Variants in DPP10 observed in about 807,000 individuals in gnomAD.
DPP10 encodes dipeptidyl peptidase like 10.
DPP10 carries 33 observed loss-of-function variants against 120.9 expected under a neutral mutation model. The observed-to-expected ratio is 0.27, with a 90% CI of 0.21 to 0.37. The LOEUF is 0.37. Ranked by LOEUF, DPP10 falls within the 10% of genes least tolerant of loss-of-function variation. The pLI is 1.00. For synonymous variants in DPP10, 337 were observed against 326.1 expected (o/e 1.03, Z -0.36); for missense variants, 816 against 942.8 (o/e 0.87, Z 1.76).
chr2:115,707,419 T>C (rs1192320738), intron 7 of DPP10, among the ~76,000 whole-genome samples: 2 of 97,988 alleles, frequency 2.0e-5, no homozygotes, highest in African/African-American at 7.7e-5. Context: ...ACAAACAAAT[T>C]TTACACACAC....
At chr2:115,327,010 C>G (rs1009561146) in intron 2 of DPP10, among the ~76,000 whole-genome samples, 2 of 152,042 alleles carry the variant, frequency 1.3e-5, no homozygotes, top group Non-Finnish European at 2.9e-5. Flanking sequence ...CTGACTCACT[C>G]AGAGTAACTT....
intron 4 of DPP10, among the ~76,000 whole-genome samples, chr2:115,522,711 G>A (rs2077889157): frequency 6.6e-6 from 1 of 152,096 alleles, no homozygotes; most frequent in South Asian, 2.1e-4. Flanking sequence ...GGACAGGCAG[G>A]CATCATTGCT....
chr2:114,957,009 C>T (rs1031006821), intron 1 of DPP10, among the ~76,000 whole-genome samples: 1 of 134,964 alleles, frequency 7.4e-6, no homozygotes, highest in Non-Finnish European at 1.6e-5. Context: ...AAAGAGAAAA[C>T]TGCATGATAT....
intron 1 of DPP10, among the ~76,000 whole-genome samples, chr2:115,129,975 C>T (rs541013342): frequency 6.6e-6 from 1 of 152,268 alleles, no homozygotes; most frequent in South Asian, 2.1e-4. Flanking sequence ...TTCTGTTCTC[C>T]TGGGCATTGT....
At chr2:115,135,875 A>G (rs1368404033) in intron 1 of DPP10, among the ~76,000 whole-genome samples, 1 of 152,172 alleles carries the variant, frequency 6.6e-6, no homozygotes, top group Non-Finnish European at 1.5e-5. Context: ...TTCTCATGCC[A>G]AAAGGGTAAA....
At chr2:115,340,391 G>C (rs1277978367) in intron 2 of DPP10, among the ~76,000 whole-genome samples, 1 of 151,952 alleles carries the variant, frequency 6.6e-6, no homozygotes, top group East Asian at 1.9e-4. Flanking sequence ...AGATAAAATA[G>C]TATTAATGTA....
At chr2:115,582,258 A>G (rs772750496) in intron 5 of DPP10, among the ~76,000 whole-genome samples, 8 of 127,296 alleles carry the variant, frequency 6.3e-5, no homozygotes, top group African/African-American at 9.1e-5. Context: ...CAGTGTGTTT[A>G]CTGAAGTTGT....
At chr2:115,777,121 A>G in intron 13 of DPP10, 87 bp from the exon 14 acceptor site, 1 of 1,130,936 alleles carries the variant, frequency 8.8e-7, no homozygotes, top group Admixed American at 2.0e-5. Flanking sequence ...GAGAATTCGA[A>G]GTGTCACAAG....
intron 1 of DPP10, among the ~76,000 whole-genome samples, chr2:114,444,272 C>T (rs1447172192): frequency 6.6e-6 from 1 of 152,156 alleles, no homozygotes; most frequent in African/African-American, 2.4e-5. Flanking sequence ...AAGCATATCA[C>T]TGAACAAAGC....
intron 9 of DPP10, among the ~76,000 whole-genome samples, chr2:115,743,607 C>T (rs1409045785): frequency 6.6e-6 from 1 of 152,118 alleles, no homozygotes; most frequent in Non-Finnish European, 1.5e-5. Context: ...TTTTAATTCA[C>T]TACCATATAC....
Position 114,831,463 on chromosome 2 carries a change from A to T in DPP10, c.60+388625A>T, listed in dbSNP as rs550666613. Among the ~76,000 whole-genome samples, 10 of 152,242 alleles carry T rather than the reference A, an allele frequency of 6.6e-5. No homozygotes were observed. The South Asian group carries it at 2.1e-3, about 32-fold the overall frequency. Reference sequence around the variant, plus strand: ...AGGCTTTGGAAAGCAAATAACTGTGATCCAATTTTCGGGAAGCAGGTTTGT... The same window carrying T: ...AGGCTTTGGAAAGCAAATAACTGTGTTCCAATTTTCGGGAAGCAGGTTTGT... On this transcript the variant is annotated intron_variant, in intron 1 of 25. Coordinates refer to ENST00000410059, the MANE Select transcript of DPP10 (RefSeq NM_020868.6).
chr2:115,248,929 A>C (rs1338749933), intron 1 of DPP10, among the ~76,000 whole-genome samples: 2 of 152,138 alleles, frequency 1.3e-5, no homozygotes, highest in Non-Finnish European at 2.9e-5. Context: ...TGGCTAAGGA[A>C]AATTTTGCTA....
chr2:115,180,053 A>G (rs1315369174), intron 1 of DPP10, among the ~76,000 whole-genome samples: 1 of 152,178 alleles, frequency 6.6e-6, no homozygotes, highest in Admixed American at 6.5e-5. Context: ...TGCAGGGCAT[A>G]TTTGGTAGCT....
At chr2:114,554,622 C>A (rs1688143092) in intron 1 of DPP10, among the ~76,000 whole-genome samples, 1 of 152,128 alleles carries the variant, frequency 6.6e-6, no homozygotes, top group Non-Finnish European at 1.5e-5. Flanking sequence ...TGAATCTGAC[C>A]TGGAAGGTAC....
At chr2:114,560,545 C>A (rs561966853) in intron 1 of DPP10, among the ~76,000 whole-genome samples, 2 of 152,114 alleles carry the variant, frequency 1.3e-5, no homozygotes, top group Non-Finnish European at 2.9e-5. Context: ...TACCCTATAG[C>A]CACACAGGCT....
At chr2:115,789,046 A>T (rs1194685056) in intron 17 of DPP10, among the ~76,000 whole-genome samples, 1 of 152,076 alleles carries the variant, frequency 6.6e-6, no homozygotes, top group Non-Finnish European at 1.5e-5. Flanking sequence ...TGAACCTGGG[A>T]GGCGGAGCTT....
intron 1 of DPP10, among the ~76,000 whole-genome samples, chr2:114,758,432 G>C (rs564919077): frequency 6.6e-6 from 1 of 151,972 alleles, no homozygotes; most frequent in South Asian, 2.1e-4. Context: ...TTTTTCCCTC[G>C]TCTACTTAAA....
intron 1 of DPP10, among the ~76,000 whole-genome samples, chr2:114,596,927 C>T (rs1691959225): frequency 6.6e-6 from 1 of 151,992 alleles, no homozygotes; most frequent in Non-Finnish European, 1.5e-5. Context: ...TATATGTAGC[C>T]ATTGTCCTAG....
At chr2:114,900,575 T>C (rs1308512308) in intron 1 of DPP10, among the ~76,000 whole-genome samples, 1 of 152,262 alleles carries the variant, frequency 6.6e-6, no homozygotes, top group Non-Finnish European at 1.5e-5. Flanking sequence ...ACAATTGCTA[T>C]GTACATTCTG....
Sources: allele counts gnomAD v4.1 joint callset (sites outside exome capture counted in the v4.1 genomes callset), GRCh38; gene constraint gnomAD v4.1.1; transcripts MANE v1.5; gene names NCBI Gene and HGNC (gene_info 2026-07-23, HGNC 2026-07-21).